The following ATAD3B variants were observed in gnomAD, a reference collection of about 807,000 sequenced individuals.
ATAD3B encodes ATPase family AAA domain containing 3B, also known as ATPase family AAA domain-containing protein 3B.
ATAD3B carries 59 observed loss-of-function variants against 70.2 expected under a neutral mutation model. The ratio of observed to expected loss-of-function variants is 0.84; its 90% CI spans 0.68 to 1.04. The LOEUF is 1.04. Among genes scored for constraint, ATAD3B ranks in the 50% least tolerant of loss-of-function variants. ATAD3B has a pLI of 0.00. For missense variants in ATAD3B, 961 were observed against 913.4 expected (o/e 1.05, Z -0.67); for synonymous variants, 423 against 388.6 (o/e 1.09, Z -1.04).
intron 1 of ATAD3B, among the ~76,000 whole-genome samples, chr1:1,473,468 T>C (rs542756859): frequency 6.6e-6 from 1 of 150,772 alleles, no homozygotes; most frequent in Non-Finnish European, 1.5e-5. Flanking sequence ...CCTCCCAAAG[T>C]GCTGGGATTA....
rs1213417457 is a variant in ATAD3B, at chr1:1,496,935, G to A, written c.*1118G>A. 4 of 141,294 alleles carry A rather than the reference G, an allele frequency of 2.8e-5. No homozygotes were observed. The highest frequency in any genetic ancestry group is 4.4e-5 in the Non-Finnish European group (3 of 67,748). 8.8% of individuals were successfully genotyped at this position (141,294 alleles called of 1,614,324 possible). A position where few individuals can be genotyped will look rare whatever the true frequency, so the allele number is the denominator to read the frequency against. Reference sequence around the variant, plus strand: ...AGGAAACCTTTGCTTTGGGGGCAGGGTGGGGTGCAGGGGTGGTTGGGGGAA... The same window carrying A: ...AGGAAACCTTTGCTTTGGGGGCAGGATGGGGTGCAGGGGTGGTTGGGGGAA... On this transcript the variant is annotated 3_prime_UTR_variant, in exon 16 of 16. Transcript: ENST00000673477.
chr1:1,503,506 G>A, the ATAD3B span: 1 of 1,442,552 alleles, frequency 6.9e-7, no homozygotes, highest in East Asian at 2.5e-5. Flanking sequence ...ATTCCAGAAA[G>A]CCCCTTGGCT....
chr1:1,503,785 G>A, the ATAD3B span: 1 of 1,417,154 alleles, frequency 7.1e-7, no homozygotes, highest in Non-Finnish European at 9.6e-7. Context: ...GGGGTGCAGG[G>A]CCGAGCTTGG....
Position 1,497,656 on chromosome 1 carries a change from G to A in ATAD3B, c.*1839G>A, listed in dbSNP as rs561565898. The A allele has an allele frequency of 2.2e-4, 34 of 151,606 alleles. No individual in the cohort carries two copies. The highest frequency in any genetic ancestry group is 7.3e-4 in the African/African-American group (30 of 41,092). The allele number at this position is 151,606 out of a possible 1,614,324, so 9.4% of individuals were successfully genotyped here. The stretch of plus-strand genomic sequence containing the variant: ...CCAAGGCGGGTGAATCATGAGGTCA[G>A]GAGTTTGAGACCATCCTGGCTAACG... On this transcript the variant is annotated 3_prime_UTR_variant, in exon 16 of 16. Transcript: ENST00000673477.
rs993815787 is a variant in ATAD3B at position 1,489,117 on chromosome 1, G to A, written c.1267-87G>A. 2.1e-4 allele frequency: 342 copies of A among 1,600,244 alleles called. 6 individuals are homozygous for A. The highest frequency in any genetic ancestry group is 2.5e-4 in the Non-Finnish European group (290 of 1,169,584). On this transcript the variant is annotated intron_variant, in intron 12 of 15. Coordinates refer to ENST00000673477, the MANE Select transcript of ATAD3B (RefSeq NM_031921.6). Reference sequence around the variant, plus strand: ...AAGTGTCGCCACGTCCCTGCTCCCTGCAGGAGGGAGGCCTGTGGGACTTTC... The same window carrying A: ...AAGTGTCGCCACGTCCCTGCTCCCTACAGGAGGGAGGCCTGTGGGACTTTC...
downstream of ATAD3B, among the ~76,000 whole-genome samples, chr1:1,500,755 C>T (rs1475647106): frequency 1.3e-5 from 2 of 151,312 alleles, no homozygotes; most frequent in East Asian, 2.0e-4. Context: ...AGATCGAGAC[C>T]ATCCTGGCTA....
rs1443402328 is a variant in ATAD3B, at chr1:1,495,685, C to T, written c.1815C>T (p.Pro605=). 1.9e-6 allele frequency: 3 copies of T among 1,613,092 alleles called. No homozygotes were observed. The highest frequency in any genetic ancestry group is 1.1e-5 in the South Asian group (1 of 91,000). ...SWSLATDPSY[P]CLAGPCTFRI... ...GCCTGGCCACGGACCCCTCCTACCC[C>T]TGCCTTGCCGGCCCCTGCACATTTA... Residue 605 remains proline, a synonymous_variant, in exon 16 of 16, where the codon CCC becomes CCT. Coordinates refer to ENST00000673477, the MANE Select transcript of ATAD3B (RefSeq NM_031921.6).
At position 1,496,140 on chromosome 1, in the gene ATAD3B, C is replaced by A. The variant is rs138449199; in HGVS notation, c.*323C>A. 2.8e-3 allele frequency: 3,079 copies of A among 1,108,544 alleles called. 47 individuals are homozygous for A. The highest frequency in any genetic ancestry group is 6.4e-3 in the South Asian group (168 of 26,336). The allele number at this position is 1,108,544 out of a possible 1,614,324, so 68.7% of individuals were successfully genotyped here. ...TGTCTGAGGCCGCCCTGTCAGCTGG[C>A]CGGTCCAAGCCTGTGGCTGGAGCTG... On this transcript the variant is annotated 3_prime_UTR_variant, in exon 16 of 16. Transcript: ENST00000673477.
downstream of ATAD3B, among the ~76,000 whole-genome samples, chr1:1,501,399 C>T (rs1366012215): frequency 4.6e-5 from 7 of 152,034 alleles, no homozygotes; most frequent in East Asian, 3.9e-4. Flanking sequence ...GGACTACAGG[C>T]GCCTGCCACC....
chr1:1,488,738 GAC>G, intron 12 of ATAD3B, among the ~76,000 whole-genome samples: 1 of 151,960 alleles, frequency 6.6e-6, no homozygotes, highest in Middle Eastern at 3.4e-3. Flanking sequence ...CAGACTGAGA[GAC>G]AGAACAAGAC....
At chr1:1,477,450 A>G in intron 2 of ATAD3B, 100 bp downstream of exon 2, 3 of 1,569,944 alleles carry the variant, frequency 1.9e-6, no homozygotes, top group Non-Finnish European at 2.6e-6. Flanking sequence ...AGGGGCGTGT[A>G]CATGGGCAGC....
rs371526893 is a variant in ATAD3B, at chr1:1,490,423, C to T, written c.1504C>T (p.Arg502Trp). The change falls in exon 14 of 16, where the codon CGG becomes TGG. Residue 502 changes from arginine (R) to tryptophan (W), a missense_variant and splice_region_variant. This residue lies in a region of ATAD3B where 417 missense variants were observed against 335.0 expected (regional missense o/e 1.24). Transcript: ENST00000673477. Reference sequence around the variant, plus strand: ...TCTTAAGCCGGCCACAGAAGGAAAACGGTGAGTGTCCCGCCTCACCCGGCC... The same window carrying T: ...TCTTAAGCCGGCCACAGAAGGAAAATGGTGAGTGTCCCGCCTCACCCGGCC... ...CVLKPATEGK[R>W]RLKLAQFDYG... 5.8e-5 allele frequency: 93 copies of T among 1,613,132 alleles called. 1 individual carries two copies. The highest frequency in any genetic ancestry group is 4.9e-4 in the Middle Eastern group (3 of 6,084).
Position 1,481,885 on chromosome 1 carries a change from A to G in ATAD3B, c.515-253A>G, listed in dbSNP as rs2801368. ...GCTTGTCCGTGGAGTGGGTCGGTCC[A>G]TGGCCTTAGCCTGTTGGTGGCGTGG... is the stretch of plus-strand genomic sequence containing the variant. On this transcript the variant is annotated intron_variant, in intron 5 of 15. Coordinates refer to ENST00000673477, the MANE Select transcript of ATAD3B (RefSeq NM_031921.6). Among the ~76,000 whole-genome samples, 3 of 151,784 alleles carry G rather than the reference A, an allele frequency of 2.0e-5. 1 individual carries two copies. The highest frequency in any genetic ancestry group is 4.4e-5 in the Non-Finnish European group (3 of 67,954).
At chr1:1,487,794 C>G in intron 11 of ATAD3B, 69 bp from the exon 12 acceptor site, 2 of 1,581,242 alleles carry the variant, frequency 1.3e-6, no homozygotes, top group Non-Finnish European at 1.7e-6. Context: ...GCTCCTGCCG[C>G]GGCCGGACGC....
At chr1:1,472,976 C>G (rs1313267548) in intron 1 of ATAD3B, among the ~76,000 whole-genome samples, 3 of 151,414 alleles carry the variant, frequency 2.0e-5, no homozygotes, top group Admixed American at 6.6e-5. Context: ...CCGCGCAGCA[C>G]CACGCCCGGC....
intron 12 of ATAD3B, 71 bp from the exon 13 acceptor site, chr1:1,489,133 T>C: frequency 6.2e-7 from 1 of 1,607,714 alleles, no homozygotes; most frequent in South Asian, 1.1e-5. Context: ...GGGAGGCCTG[T>C]GGGACTTTCT....
chr1:1,480,946 C>T lies in ATAD3B; in HGVS notation c.514+10C>T, dbSNP rs199882179. 37 of 1,590,438 alleles carry T rather than the reference C, an allele frequency of 2.3e-5. 5 individuals are homozygous for T. The Admixed American group carries it at 3.2e-4, about 14-fold the overall frequency. The stretch of plus-strand genomic sequence containing the variant: ...GAAGCCATGCGGCGAGGTAGGCTGT[C>T]TGCTCTCCTGGCTGGGGCGGAGGTG... On this transcript the variant is annotated intron_variant, in intron 5 of 15. Coordinates refer to ENST00000673477, the MANE Select transcript of ATAD3B (RefSeq NM_031921.6).
chr1:1,476,059 T>A (rs1178201654), intron 1 of ATAD3B, among the ~76,000 whole-genome samples: 25 of 141,688 alleles, frequency 1.8e-4, no homozygotes, highest in Non-Finnish European at 3.4e-4. Context: ...CGGGGTCGCT[T>A]CAGCCCTTGG....
At chr1:1,483,970 T>A (rs1640065010) in intron 7 of ATAD3B, 2 of 151,998 alleles carry the variant, frequency 1.3e-5, no homozygotes, top group Admixed American at 1.3e-4. Context: ...AAGTGCCCAC[T>A]CAGTGCCGGG....
Sources: allele counts gnomAD v4.1 joint callset (sites outside exome capture counted in the v4.1 genomes callset), GRCh38; gene constraint gnomAD v4.1.1; regional missense constraint gnomAD v4.1.1; transcripts MANE v1.5; gene names NCBI Gene and HGNC (gene_info 2026-07-23, HGNC 2026-07-21).